Variants in AXL observed in about 807,000 individuals in gnomAD.
AXL encodes the protein AXL receptor tyrosine kinase.
In AXL, 52 loss-of-function variants were observed where a neutral mutation model predicts 104.5. The observed-to-expected ratio is 0.50, with a 90% CI of 0.40 to 0.63. The LOEUF (loss-of-function observed/expected upper bound fraction) is 0.63. AXL is among the 20% of genes least tolerant of loss of function. The pLI is 0.00. For missense variants in AXL, 1,024 were observed against 1,188.5 expected (o/e 0.86, Z 2.04); for synonymous variants, 455 against 473.7 (o/e 0.96, Z 0.51).
Position 41,220,875 on chromosome 19 carries a change from C to T in AXL, c.308+17C>T. 6.2e-7 allele frequency: 1 copy of T among 1,610,342 alleles called. No homozygotes were observed. Among genetic ancestry groups the T allele is most frequent in the Non-Finnish European group, 8.5e-7 (1 of 1,177,320 alleles). On this transcript the variant is annotated intron_variant, in intron 2 of 19. Transcript: ENST00000301178. ...CCAGCTCAGGTGTGTGGCCACATCCCCGAATCCCACTCCCACCTCCGTCAC... is the reference window on the plus strand; with the variant it reads ...CCAGCTCAGGTGTGTGGCCACATCCTCGAATCCCACTCCCACCTCCGTCAC...
intron 16 of AXL, 61 bp from the exon 17 acceptor site, chr19:41,253,538 G>T: frequency 8.1e-7 from 1 of 1,228,692 alleles, no homozygotes; most frequent in Non-Finnish European, 1.2e-6. Flanking sequence ...AGGGATGGAG[G>T]GAGGAGGGAT....
At chr19:41,223,980 GT>G (rs1292246600) in intron 4 of AXL, among the ~76,000 whole-genome samples, 1 of 152,024 alleles carries the variant, frequency 6.6e-6, no homozygotes, top group Non-Finnish European at 1.5e-5. Context: ...GTGTGTGTGT[GT>G]GTGTGTGTGA....
At chr19:41,234,109 C>A (rs1026978726) in intron 6 of AXL, among the ~76,000 whole-genome samples, 3 of 152,118 alleles carry the variant, frequency 2.0e-5, no homozygotes, top group Non-Finnish European at 2.9e-5. Context: ...TACCCACCAT[C>A]TGCCCCCACT....
chr19:41,230,344 C>A lies in AXL; in HGVS notation c.587-623C>A, dbSNP rs536821828. 7.9e-4 allele frequency among the ~76,000 whole-genome samples: 112 copies of A among 141,730 alleles called. 3 individuals are homozygous for A. Among genetic ancestry groups the A allele is most frequent in the African/African-American group, 2.9e-3 (109 of 37,778 alleles). 93.0% of individuals were successfully genotyped at this position (141,730 alleles called of 152,430 possible). A position where few individuals can be genotyped will look rare whatever the true frequency, so the allele number is the denominator to read the frequency against. ...GAATGTGTGTGTGTGTGTGTATGCG[C>A]CTGTGCCTGTGTGTGTGTCTGAGCA... On this transcript the variant is annotated intron_variant, in intron 4 of 19. Coordinates refer to ENST00000301178, the MANE Select transcript of AXL (RefSeq NM_021913.5).
intron 18 of AXL, 49 bp from the exon 19 acceptor site, chr19:41,257,444 G>A (rs376787354): frequency 7.0e-5 from 113 of 1,611,534 alleles, no homozygotes; most frequent in African/African-American, 5.3e-5. Context: ...GTATTGGTGC[G>A]GGTGATTCTG....
intron 19 of AXL, among the ~76,000 whole-genome samples, chr19:41,258,821 T>C (rs1291772528): frequency 6.6e-6 from 1 of 152,196 alleles, no homozygotes; most frequent in Non-Finnish European, 1.5e-5. Context: ...CTCACACAAT[T>C]TCTGAAAGTT....
chr19:41,249,984 T>C (rs1321301001), intron 14 of AXL, among the ~76,000 whole-genome samples: 1 of 151,998 alleles, frequency 6.6e-6, no homozygotes, highest in Non-Finnish European at 1.5e-5. Context: ...CTGTGATACA[T>C]AGTGGAGCAG....
At chr19:41,231,443 G>A (rs1033631619) in intron 6 of AXL, 145 bp downstream of exon 6, 1 of 752,730 alleles carries the variant, frequency 1.3e-6, no homozygotes, top group Non-Finnish European at 2.1e-6. Context: ...GATGTCCTGG[G>A]TTCGAATCCT....
At chr19:41,236,323 A>C (rs181635091) in intron 6 of AXL, among the ~76,000 whole-genome samples, 3 of 124,714 alleles carry the variant, frequency 2.4e-5, no homozygotes, top group Non-Finnish European at 3.2e-5. Context: ...ACAGAGCAAG[A>C]CTCTGTCTAA....
chr19:41,241,710 G>A (rs939611255), intron 10 of AXL, among the ~76,000 whole-genome samples: 3 of 151,976 alleles, frequency 2.0e-5, no homozygotes, highest in Non-Finnish European at 4.4e-5. Context: ...GGGCATGGTG[G>A]TGCACACCTG....
At chr19:41,239,052 T>G in intron 8 of AXL, 112 bp from the exon 9 acceptor site, 1 of 1,235,048 alleles carries the variant, frequency 8.1e-7, no homozygotes, top group South Asian at 1.4e-5. Flanking sequence ...GGATGAGGAG[T>G]TGGAGGATGG....
Position 41,219,591 on chromosome 19 carries a change from T to C in AXL, c.85+114T>C, listed in dbSNP as rs2033748252. 6 of 1,225,880 alleles carry C rather than the reference T, an allele frequency of 4.9e-6. 1 individual carries two copies. In the South Asian group the frequency reaches 8.0e-5, roughly 16 times the overall value. The allele number at this position is 1,225,880 out of a possible 1,614,324, so 75.9% of individuals were successfully genotyped here. On this transcript the variant is annotated intron_variant, in intron 1 of 19. Coordinates refer to ENST00000301178, the MANE Select transcript of AXL (RefSeq NM_021913.5). Reference sequence around the variant, plus strand: ...GCCTGGGCTGGCTTAGGGAGTTTCCTTGGGACCACAGAAAAGGGACTTCAA... The same window carrying C: ...GCCTGGGCTGGCTTAGGGAGTTTCCCTGGGACCACAGAAAAGGGACTTCAA...
intron 4 of AXL, among the ~76,000 whole-genome samples, chr19:41,227,741 G>A (rs938233872): frequency 2.6e-5 from 4 of 151,862 alleles, no homozygotes; most frequent in African/African-American, 9.7e-5. Context: ...CACCCGCCTC[G>A]GCCTCCCAAA....
At chr19:41,258,619 C>T (rs1043427878) in intron 19 of AXL, among the ~76,000 whole-genome samples, 1 of 152,042 alleles carries the variant, frequency 6.6e-6, no homozygotes, top group Admixed American at 6.6e-5. Context: ...GGTTTCACCA[C>T]CTTAGCCAGG....
intron 4 of AXL, 56 bp from the exon 5 acceptor site, chr19:41,230,911 C>G (rs73931457): frequency 6.3e-7 from 1 of 1,576,528 alleles, no homozygotes. Flanking sequence ...GGCATGGCCC[C>G]GGAGCCCTTC....
At chr19:41,259,502 A>AC (rs1295761494) in intron 19 of AXL, 51 bp from the exon 20 acceptor site, 6 of 1,477,108 alleles carry the variant, frequency 4.1e-6, no homozygotes, top group African/African-American at 1.4e-5. Flanking sequence ...TCCAGAATGC[A>AC]CCCCTTCTGA....
intron 1 of AXL, among the ~76,000 whole-genome samples, chr19:41,219,759 G>C (rs139903738): frequency 6.6e-6 from 1 of 151,466 alleles, no homozygotes; most frequent in Non-Finnish European, 1.5e-5. Context: ...GGTGGGGGCT[G>C]GACCTGAGAA....
Position 41,222,038 on chromosome 19 carries a change from C to A in AXL, c.568C>A (p.Arg190Ser), listed in dbSNP as rs770407415. The part of the protein sequence containing the change: ...LATAPGHGPQ[R>S]SLHVPGLNKT... Reference sequence around the variant, plus strand: ...CACGGCTCCAGGTCACGGCCCCCAGCGCAGCCTGCATGTTCCAGGTGAGTC... The same window carrying A: ...CACGGCTCCAGGTCACGGCCCCCAGAGCAGCCTGCATGTTCCAGGTGAGTC... Residue 190 changes from arginine (R) to serine (S), a missense_variant, in exon 4 of 20, where the codon CGC becomes AGC. Around this residue, in one of 5 missense-constraint regions of AXL, gnomAD observed 332 missense variants for 343.9 expected, o/e 0.97. Coordinates refer to ENST00000301178, the MANE Select transcript of AXL (RefSeq NM_021913.5). The A allele has an allele frequency of 2.5e-6, 4 of 1,583,010 alleles. No homozygotes were observed. The highest frequency in any genetic ancestry group is 3.4e-6 in the Non-Finnish European group (4 of 1,167,074).
chr19:41,239,041 AG>A, intron 8 of AXL, 122 bp from the exon 9 acceptor site: 1 of 1,119,154 alleles, frequency 8.9e-7, no homozygotes, highest in Non-Finnish European at 1.3e-6. Flanking sequence ...AGGACGAGGA[AG>A]GATGAGGAGT....
Sources: gnomAD v4.1 joint callset for allele counts (sites outside exome capture counted in the v4.1 genomes callset) on GRCh38, gnomAD v4.1.1 for gene constraint, gnomAD v4.1.1 regional missense constraint, MANE v1.5 for transcripts, NCBI Gene and HGNC (gene_info 2026-07-23, HGNC 2026-07-21) for gene names.